Variants in MDGA2 observed in about 807,000 individuals in gnomAD.
The protein encoded by MDGA2 is MAM domain containing glycosylphosphatidylinositol anchor 2, also known as MAM domain-containing glycosylphosphatidylinositol anchor protein 2.
A neutral mutation model predicts 117.8 loss-of-function variants in MDGA2; 40 were observed. That is an observed-to-expected ratio of 0.34 (90% CI 0.26 to 0.44). MDGA2 has a LOEUF of 0.44. Ranked by LOEUF, MDGA2 falls within the 20% of genes least tolerant of loss-of-function variation. The pLI is 1.00. For missense variants in MDGA2, 1,123 were observed against 1,250.6 expected, an observed-to-expected ratio of 0.90 and a Z score of 1.54; for synonymous variants, 452 against 439.0, an observed-to-expected ratio of 1.03 and a Z score of -0.37.
At chr14:47,531,569 C>T (rs1026457350) in intron 1 of MDGA2, among the ~76,000 whole-genome samples, 1 of 152,178 alleles carries the variant, frequency 6.6e-6, no homozygotes, top group African/African-American at 2.4e-5. Flanking sequence ...ATAATAACAT[C>T]TGCACATAGA....
intron 1 of MDGA2, among the ~76,000 whole-genome samples, chr14:47,578,994 A>G (rs959335292): frequency 6.6e-6 from 1 of 152,150 alleles, no homozygotes. Context: ...TCCAGGAAAA[A>G]TAATCATCAC....
intron 3 of MDGA2, among the ~76,000 whole-genome samples, chr14:47,144,548 G>A (rs1441804707): frequency 6.6e-6 from 1 of 151,948 alleles, no homozygotes; most frequent in Admixed American, 6.6e-5. Context: ...AGTTCCATGA[G>A]AGAGATAAAA....
intron 8 of MDGA2, among the ~76,000 whole-genome samples, chr14:46,967,538 C>A (rs1886083992): frequency 6.6e-6 from 1 of 152,140 alleles, no homozygotes; most frequent in Non-Finnish European, 1.5e-5. Context: ...ACCTCTCTCT[C>A]CATGAACACA....
intron 1 of MDGA2, among the ~76,000 whole-genome samples, chr14:47,391,192 C>G (rs1353839510): frequency 1.3e-5 from 2 of 152,198 alleles, no homozygotes; most frequent in Non-Finnish European, 2.9e-5. Context: ...CTTCTTACTT[C>G]CTTTCAGTGC....
chr14:47,228,747 G>T (rs778228647), intron 2 of MDGA2, among the ~76,000 whole-genome samples: 2 of 152,218 alleles, frequency 1.3e-5, no homozygotes, highest in Admixed American at 6.5e-5. Context: ...AAAAGGAAAA[G>T]GTGCATTGGG....
chr14:47,385,969 A>T (rs552900668), intron 1 of MDGA2, among the ~76,000 whole-genome samples: 13 of 152,272 alleles, frequency 8.5e-5, no homozygotes, highest in African/African-American at 2.9e-4. Flanking sequence ...CCATTAGAGT[A>T]TTTTTCTAAT....
chr14:47,016,943 A>T (rs1888105003), intron 8 of MDGA2, among the ~76,000 whole-genome samples: 1 of 151,380 alleles, frequency 6.6e-6, no homozygotes, highest in African/African-American at 2.4e-5. Flanking sequence ...CATTTTTATT[A>T]TTTTTTTCCA....
At chr14:47,458,502 G>A (rs779293843) in intron 1 of MDGA2, among the ~76,000 whole-genome samples, 6 of 152,080 alleles carry the variant, frequency 3.9e-5, no homozygotes, top group African/African-American at 9.7e-5. Context: ...AAAGGACTGC[G>A]GTGAGGGGGA....
chr14:47,187,917 TTG>T (rs34044843), intron 3 of MDGA2, among the ~76,000 whole-genome samples: 43 of 148,378 alleles, frequency 2.9e-4, no homozygotes, highest in East Asian at 3.9e-4. Context: ...TTAAAGTAGG[TTG>T]TGTGTGTGTG....
intron 10 of MDGA2, among the ~76,000 whole-genome samples, chr14:46,904,830 T>C (rs1003371327): frequency 1.3e-5 from 2 of 152,204 alleles, no homozygotes; most frequent in Admixed American, 6.5e-5. Flanking sequence ...GTGATTTCTC[T>C]ATTGATATAT....
At chr14:47,170,363 A>G (rs1398805645) in intron 3 of MDGA2, among the ~76,000 whole-genome samples, 1 of 152,196 alleles carries the variant, frequency 6.6e-6, no homozygotes, top group Admixed American at 6.5e-5. Context: ...ATAATGCTAA[A>G]TTATTTGTTA....
At chr14:47,287,818 A>G (rs1888739067) in intron 2 of MDGA2, among the ~76,000 whole-genome samples, 1 of 152,152 alleles carries the variant, frequency 6.6e-6, no homozygotes, top group African/African-American at 2.4e-5. Flanking sequence ...ACTGGAATAG[A>G]GTGAGCCCTT....
intron 4 of MDGA2, among the ~76,000 whole-genome samples, chr14:47,133,091 G>T (rs1375888316): frequency 6.7e-6 from 1 of 148,696 alleles, no homozygotes; most frequent in Non-Finnish European, 1.5e-5. Flanking sequence ...CACCCCTTTA[G>T]CATTTTCCTC....
intron 1 of MDGA2, among the ~76,000 whole-genome samples, chr14:47,424,715 C>T (rs1892649776): frequency 6.6e-6 from 1 of 152,146 alleles, no homozygotes; most frequent in Admixed American, 6.6e-5. Context: ...AGGAGCAATA[C>T]ATATCTATGT....
intron 2 of MDGA2, among the ~76,000 whole-genome samples, chr14:47,233,200 C>A (rs1026176644): frequency 6.6e-6 from 1 of 152,034 alleles, no homozygotes; most frequent in Non-Finnish European, 1.5e-5. Flanking sequence ...TCTGCAAAAA[C>A]CCATGAATAC....
intron 11 of MDGA2, among the ~76,000 whole-genome samples, chr14:46,881,091 C>T (rs1882441148): frequency 6.7e-6 from 1 of 149,558 alleles, no homozygotes; most frequent in Non-Finnish European, 1.5e-5. Flanking sequence ...GAATGGCCAC[C>T]AACAACCAAG....
At chr14:47,476,988 C>A (rs1193283612) in intron 1 of MDGA2, among the ~76,000 whole-genome samples, 1 of 151,922 alleles carries the variant, frequency 6.6e-6, no homozygotes, top group African/African-American at 2.4e-5. Context: ...ATGGTGAAAC[C>A]CCGTCTCTAC....
intron 9 of MDGA2, among the ~76,000 whole-genome samples, chr14:46,956,622 T>C (rs1183712557): frequency 6.6e-6 from 1 of 151,348 alleles, no homozygotes; most frequent in Admixed American, 6.6e-5. Context: ...ACCAGAGCAA[T>C]TATCTATTCA....
chr14:46,848,962 A>G (rs1482827256), intron 15 of MDGA2, among the ~76,000 whole-genome samples: 2 of 152,176 alleles, frequency 1.3e-5, no homozygotes, highest in East Asian at 3.9e-4. Context: ...GTACAGTAAA[A>G]AAAGTAGGCT....
Sources: allele counts gnomAD v4.1 joint callset (sites outside exome capture counted in the v4.1 genomes callset), GRCh38; gene constraint gnomAD v4.1.1; transcripts MANE v1.5; gene names NCBI Gene and HGNC (gene_info 2026-07-23, HGNC 2026-07-21).